ABCE1: variants seen among roughly 807,000 people sequenced by gnomAD.
The protein encoded by ABCE1 is ATP-binding cassette sub-family E member 1.
A neutral mutation model predicts 83.4 loss-of-function variants in ABCE1; 22 were observed. The observed-to-expected ratio is 0.26, with a 90% CI of 0.19 to 0.38. ABCE1 has a LOEUF of 0.38. ABCE1 is among the 10% of genes least tolerant of loss of function. The pLI, the probability that ABCE1 is intolerant of heterozygous loss-of-function variation, is 1.00. For missense variants in ABCE1, 330 were observed against 721.9 expected, an observed-to-expected ratio of 0.46 and a Z score of 6.22; for synonymous variants, 204 against 233.7, an observed-to-expected ratio of 0.87 and a Z score of 1.16.
intron 5 of ABCE1, 106 bp from the exon 6 acceptor site, chr4:145,109,997 C>T (rs2126704090): frequency 4.8e-6 from 5 of 1,043,022 alleles, no homozygotes; most frequent in East Asian, 2.8e-5. Flanking sequence ...AAGTTAAAAG[C>T]CACAAGTGTT....
At chr4:145,111,618 C>T (rs940899006) in intron 8 of ABCE1, among the ~76,000 whole-genome samples, 2 of 152,212 alleles carry the variant, frequency 1.3e-5, no homozygotes, top group Admixed American at 6.5e-5. Flanking sequence ...TGAGCCACCA[C>T]GCCTGGCCTA....
At chr4:145,110,572 T>G in intron 7 of ABCE1, 128 bp downstream of exon 7, 2 of 846,414 alleles carry the variant, frequency 2.4e-6, no homozygotes, top group Non-Finnish European at 3.8e-6. Context: ...GCCTCCCGGG[T>G]TCAAGCGATA....
rs779915489 is a variant in ABCE1 at position 145,121,411 on chromosome 4, A to G, written c.1263+20A>G. 6.9e-6 allele frequency: 11 copies of G among 1,588,458 alleles called. No individual in the cohort carries two copies. Among genetic ancestry groups the G allele is most frequent in the South Asian group, 5.7e-5 (5 of 87,980 alleles). On this transcript the variant is annotated intron_variant, in intron 13 of 17. Transcript: ENST00000296577. ...TCAACTGTGAGTTATTATTTTTTAT[A>G]TGGTTACTAAAGAAAATTTTGTATA... is the stretch of plus-strand genomic sequence containing the variant.
At chr4:145,100,220 G>A (rs1283126217) in intron 1 of ABCE1, among the ~76,000 whole-genome samples, 1 of 152,112 alleles carries the variant, frequency 6.6e-6, no homozygotes, top group Non-Finnish European at 1.5e-5. Flanking sequence ...CCAGGGTAGT[G>A]ACATGCACCT....
chr4:145,123,579 C>G lies in ABCE1; in HGVS notation c.1619C>G (p.Ser540Cys). The G allele has an allele frequency of 6.2e-7, 1 of 1,601,152 alleles. No homozygotes were observed. The change falls in exon 16 of 18, where the codon TCT becomes TGT. Residue 540 changes from serine (S) to cysteine (C), a missense_variant. Transcript: ENST00000296577. ...GTCATCGTTTTTGATGGTGTTCCAT[C>G]TAAGAACACAGTTGCAAACAGGTAA... ...DRVIVFDGVP[S>C]KNTVANSPQT...
chr4:145,115,463 T>C (rs981022154), intron 9 of ABCE1, among the ~76,000 whole-genome samples: 9 of 151,858 alleles, frequency 5.9e-5, no homozygotes, highest in Non-Finnish European at 7.4e-5. Context: ...ATTACCACCA[T>C]TGTGGTAGAA....
At chr4:145,116,727 T>TAA (rs1224509814) in intron 9 of ABCE1, among the ~76,000 whole-genome samples, 1 of 151,978 alleles carries the variant, frequency 6.6e-6, no homozygotes, top group Non-Finnish European at 1.5e-5. Context: ...TTCTCATTCA[T>TAA]AAAGTGCTCC....
intron 5 of ABCE1, among the ~76,000 whole-genome samples, chr4:145,109,450 A>G (rs1749400768): frequency 6.6e-6 from 1 of 152,198 alleles, no homozygotes; most frequent in African/African-American, 2.4e-5. Context: ...CTGAGTTGTT[A>G]AGCCTTGATC....
chr4:145,121,744 CG>C (rs1749752528), intron 13 of ABCE1: 1 of 193,852 alleles, frequency 5.2e-6, no homozygotes, highest in Admixed American at 5.5e-5. Flanking sequence ...GTGGTGGCAG[CG>C]CCTGTAGTCC....
Position 145,123,240 on chromosome 4 carries a change from T to A in ABCE1, c.1400T>A (p.Leu467Gln), listed in dbSNP as rs1749790947. The change falls in exon 15 of 18, where the codon CTA (leucine) becomes CAA (glutamine). Residue 467 changes from leucine to glutamine, a missense_variant. Leu to Gln is a moderately radical substitution (Grantham distance 113). Transcript: ENST00000296577. ...QEVQTLSGGE[L>Q]QRVALALCLG... ...GTGCAGACATTATCTGGTGGTGAAC[T>A]ACAGCGAGTAGCTTTAGCCCTTTGC... 6.2e-7 allele frequency: 1 copy of A among 1,609,420 alleles called. No homozygotes were observed. Among genetic ancestry groups the A allele is most frequent in the Non-Finnish European group, 8.5e-7 (1 of 1,178,082 alleles).
Position 145,120,069 on chromosome 4 carries a change from A to C in ABCE1, c.1060A>C (p.Lys354Gln), listed in dbSNP as rs1374427437. Residue 354 changes from lysine to glutamine, a missense_variant, in exon 11 of 18, where the codon AAG becomes CAG. By Grantham distance (53) the Lys-to-Gln change is moderately conservative. Coordinates refer to ENST00000296577, the MANE Select transcript of ABCE1 (RefSeq NM_002940.3). Reference sequence around the variant, plus strand: ...GTGTATGTATAAATATCCAGGAATGAAGAAAAAAATGGGAGAATTTGAGCT... The same window carrying C: ...GTGTATGTATAAATATCCAGGAATGCAGAAAAAAATGGGAGAATTTGAGCT... ...KMCMYKYPGM[K>Q]KKMGEFELAI... 6.8e-6 allele frequency: 11 copies of C among 1,612,326 alleles called. No homozygotes were observed. Among genetic ancestry groups the C allele is most frequent in the Non-Finnish European group, 9.3e-6 (11 of 1,179,304 alleles).
intron 17 of ABCE1, among the ~76,000 whole-genome samples, chr4:145,125,777 A>AT: frequency 6.6e-6 from 1 of 152,322 alleles, no homozygotes; most frequent in African/African-American, 2.4e-5. Flanking sequence ...TAAAAGGTGT[A>AT]TTTTAGGCCA....
intron 17 of ABCE1, among the ~76,000 whole-genome samples, chr4:145,126,164 G>A (rs1749882126): frequency 6.6e-6 from 1 of 152,096 alleles, no homozygotes; most frequent in Non-Finnish European, 1.5e-5. Context: ...GTTCACAGTT[G>A]TGCACCCTAC....
intron 4 of ABCE1, 38 bp from the exon 5 acceptor site, chr4:145,109,094 A>C (rs1424004558): frequency 1.1e-5 from 16 of 1,418,886 alleles, no homozygotes; most frequent in African/African-American, 4.3e-5. Context: ...TTCTGTGTAA[A>C]TCTGAGTTGT....
chr4:145,109,317 T>C (rs1056823649), intron 5 of ABCE1, 68 bp downstream of exon 5: 1 of 804,884 alleles, frequency 1.2e-6, no homozygotes, highest in Non-Finnish European at 1.9e-6. Flanking sequence ...GGGGATGATA[T>C]GTATATTTTT....
chr4:145,107,183 A>G lies in ABCE1; in HGVS notation c.190-832A>G, dbSNP rs3756145. 1.1e-4 allele frequency among the ~76,000 whole-genome samples: 16 copies of G among 152,192 alleles called. No homozygotes were observed. The East Asian group carries it at 2.9e-3, about 28-fold the overall frequency. On this transcript the variant is annotated intron_variant, in intron 3 of 17. Transcript: ENST00000296577. ...TGTTTTATTTTGTTTTTTAATGTGA[A>G]TTGACTCCGAGAATTCAAGTATCTT...
Position 145,129,434 on chromosome 4 carries a change from TAAAAA to T in ABCE1, c.*1864_*1868del, listed in dbSNP as rs889895536. Among the ~76,000 whole-genome samples, 6 of 151,900 alleles carry T rather than the reference TAAAAA, an allele frequency of 3.9e-5. No individual in the cohort carries two copies. Among genetic ancestry groups the T allele is most frequent in the African/African-American group, 1.4e-4 (6 of 41,388 alleles). ...CTAATTGGAAAAAGTCTCAAATACT[TAAAAA>T]AACAAAAAACTGGAACAGTTTATTA... is the stretch of plus-strand genomic sequence containing the variant. On this transcript the variant is annotated 3_prime_UTR_variant, in exon 18 of 18. Transcript: ENST00000296577.
intron 15 of ABCE1, 29 bp from the exon 16 acceptor site, chr4:145,123,449 T>G: frequency 6.3e-7 from 1 of 1,593,460 alleles, no homozygotes; most frequent in Non-Finnish European, 8.6e-7. Flanking sequence ...GATAGAAAGC[T>G]ATAAGATTTC....
At position 145,128,525 on chromosome 4, in the gene ABCE1, A is replaced by G. The variant is rs1355843190; in HGVS notation, c.*952A>G. On this transcript the variant is annotated 3_prime_UTR_variant, in exon 18 of 18. Coordinates refer to ENST00000296577, the MANE Select transcript of ABCE1 (RefSeq NM_002940.3). ...AATGCAAAAGTCCCCAGATGGCAAT[A>G]CAAAGTATCCCCTGGTACCACATAT... 6.6e-6 allele frequency: 1 copy of G among 152,196 alleles called. No homozygotes were observed. The highest frequency in any genetic ancestry group is 6.5e-5 in the Admixed American group (1 of 15,272). 9.4% of individuals were successfully genotyped at this position (152,196 alleles called of 1,614,324 possible). A position where few individuals can be genotyped will look rare whatever the true frequency, so the allele number is the denominator to read the frequency against.
Sources: allele counts gnomAD v4.1 joint callset (sites outside exome capture counted in the v4.1 genomes callset), GRCh38; gene constraint gnomAD v4.1.1; transcripts MANE v1.5; gene names NCBI Gene and HGNC (gene_info 2026-07-23, HGNC 2026-07-21).